The following NBPF9 variants were observed in gnomAD, a reference collection of about 807,000 sequenced individuals.
NBPF9 encodes NBPF member 9, also known as NBPF family member NBPF9.
In NBPF9, 91 loss-of-function variants were observed where a neutral mutation model predicts 97.8. The observed-to-expected ratio is 0.93, with a 90% CI of 0.79 to 1.11. The LOEUF (loss-of-function observed/expected upper bound fraction) is 1.11. NBPF9 is among the 50% of genes least tolerant of loss of function. The pLI is 0.00. For synonymous variants in NBPF9, 334 were observed against 359.5 expected (o/e 0.93, Z 0.80); for missense variants, 992 against 939.5 (o/e 1.06, Z -0.73).
downstream of NBPF9, among the ~76,000 whole-genome samples, chr1:149,053,806 G>C: frequency 6.8e-6 from 1 of 146,930 alleles, no homozygotes; most frequent in Admixed American, 6.8e-5. Context: ...CTAGTCCAAA[G>C]GGAGGAAAAC....
exon 14 of NBPF9, chr1:149,072,723 C>T (rs782154183): frequency 1.2e-6 from 2 of 1,611,728 alleles, no homozygotes; most frequent in Middle Eastern, 2.2e-4. Flanking sequence ...CTTACCTGGG[C>T]TGAGCTTTTG....
intron 5 of NBPF9, among the ~76,000 whole-genome samples, chr1:149,087,439 C>T (rs2081104683): frequency 1.3e-5 from 2 of 150,592 alleles, no homozygotes; most frequent in African/African-American, 4.9e-5. Context: ...ATTCTCTCTT[C>T]TCTTCCACTG....
In NBPF9 at chr1:149,059,334, G is replaced by C. The variant is rs1268020995; in HGVS notation, c.2586-237C>G. ...CAGAGAGAAAGTGACCTAGTGAATT[G>C]GCCGGGTGACACACTGATGAAGGAG... On this transcript the variant is annotated intron_variant, in intron 25 of 29. Transcript: ENST00000584027. 3.8e-5 allele frequency: 18 copies of C among 468,640 alleles called. 2 individuals are homozygous for C. The highest frequency in any genetic ancestry group is 3.7e-4 in the East Asian group (13 of 35,174). The allele number at this position is 468,640 out of a possible 1,614,324, so 29.0% of individuals were successfully genotyped here.
At chr1:149,080,846 G>A (rs2861519) in intron 7 of NBPF9, among the ~76,000 whole-genome samples, 42 of 149,894 alleles carry the variant, frequency 2.8e-4, no homozygotes, top group African/African-American at 9.4e-4. Context: ...GACAGGAAAT[G>A]CCTCATGTAA....
At chr1:149,061,555 C>A in intron 22 of NBPF9, 172 bp from the exon 23 acceptor site, 1 of 360,158 alleles carries the variant, frequency 2.8e-6, no homozygotes, top group Non-Finnish European at 5.0e-6. Context: ...CTTTGGTTTG[C>A]ATCTCAGAAC....
intron 27 of NBPF9, 60 bp downstream of exon 27, chr1:149,058,104 C>T: frequency 3.7e-6 from 2 of 536,354 alleles, no homozygotes; most frequent in Admixed American, 2.6e-5. Flanking sequence ...CTCTGTTTTC[C>T]CTGAACCAGG....
At chr1:149,074,282 C>T (rs2079662937) in intron 12 of NBPF9, among the ~76,000 whole-genome samples, 1 of 151,176 alleles carries the variant, frequency 6.6e-6, no homozygotes, top group Non-Finnish European at 1.5e-5. Context: ...GATGGTTTCC[C>T]TTTTACTGGG....
chr1:149,070,965 A>G (rs1553652797), exon 16 of NBPF9: 3 of 1,612,734 alleles, frequency 1.9e-6, no homozygotes, highest in Non-Finnish European at 2.5e-6. Flanking sequence ...CTTCCCGTTC[A>G]ACATGAGAGG....
At chr1:149,056,087 G>C (rs1312097605) in intron 29 of NBPF9, among the ~76,000 whole-genome samples, 188 bp from the exon 30 acceptor site, 7 of 150,826 alleles carry the variant, frequency 4.6e-5, no homozygotes, top group South Asian at 2.1e-4. Context: ...AACAATGAAA[G>C]AGAAAGACAG....
At chr1:149,073,334 T>C (rs2079568225) in intron 13 of NBPF9, among the ~76,000 whole-genome samples, 1 of 137,398 alleles carries the variant, frequency 7.3e-6, no homozygotes, top group Non-Finnish European at 1.6e-5. Flanking sequence ...ATGGGGCGAA[T>C]TGAAAAGACG....
chr1:149,068,343 A>G (rs1296446100), intron 17 of NBPF9, among the ~76,000 whole-genome samples: 2 of 151,276 alleles, frequency 1.3e-5, no homozygotes, highest in African/African-American at 2.4e-5. Context: ...AATTGGATAA[A>G]GAGTCAAGAC....
rs1208637475 is a variant in NBPF9 at position 149,073,975 on chromosome 1, C to A, written c.989-105G>T. 5.5e-5 allele frequency: 36 copies of A among 654,852 alleles called. No homozygotes were observed. In the African/African-American group the frequency reaches 5.9e-4, roughly 11 times the overall value. 40.6% of individuals were successfully genotyped at this position (654,852 alleles called of 1,614,324 possible). ...GTCCATCCCAAGGACAAAACTCTCC[C>A]CAGTACCAGGGTCTAGACAGGGATT... On this transcript the variant is annotated intron_variant, in intron 12 of 29. Transcript: ENST00000584027.
chr1:149,075,299 C>T (rs28502251), intron 12 of NBPF9, among the ~76,000 whole-genome samples: 1 of 152,170 alleles, frequency 6.6e-6, no homozygotes, highest in Non-Finnish European at 1.5e-5. Context: ...TAGTCTCAGA[C>T]ATTTAGAACA....
In NBPF9 at chr1:149,065,627, G is replaced by A. The variant is rs782242763; in HGVS notation, c.1700C>T (p.Thr567Ile). ...CAACATTTCAGGAGGAATTGAGGGA[G>A]TCGAATAACCTTCATCCCAGGACTC... The change falls in exon 18 of 30, where the codon ACT becomes ATT. Residue 567 changes from threonine to isoleucine, a missense_variant. Transcript: ENST00000584027. The A allele has an allele frequency of 2.9e-5, 47 of 1,602,352 alleles. 1 individual carries two copies. The highest frequency in any genetic ancestry group is 4.5e-4 in the Middle Eastern group (2 of 4,444).
chr1:149,089,282 T>C (rs1380340769), intron 5 of NBPF9, among the ~76,000 whole-genome samples: 1 of 151,808 alleles, frequency 6.6e-6, no homozygotes, highest in Non-Finnish European at 1.5e-5. Flanking sequence ...TCTTCCTTGA[T>C]GGGAGCTAAA....
rs781912478 is a variant in NBPF9 at position 149,062,112 on chromosome 1, G to T, written c.2232C>A (p.Gly744=). 3.0e-5 allele frequency: 35 copies of T among 1,185,496 alleles called. 2 individuals are homozygous for T. The African/African-American group carries it at 5.1e-4, about 17-fold the overall frequency. 73.4% of individuals were successfully genotyped at this position (1,185,496 alleles called of 1,614,324 possible). A position where few individuals can be genotyped will look rare whatever the true frequency, so the allele number is the denominator to read the frequency against. ...ACTCACTGTCCAAGTCAAGAGCCAA[G>T]CCAAGGTACTGTTCCTCCAATGAGT... Residue 744 remains glycine (G), a synonymous_variant, in exon 22 of 30, where the codon GGC becomes GGA. Coordinates refer to ENST00000584027, the Ensembl canonical transcript of NBPF9.
At chr1:149,096,969 A>T (rs868971033) in intron 4 of NBPF9, among the ~76,000 whole-genome samples, 7 of 149,256 alleles carry the variant, frequency 4.7e-5, no homozygotes, top group East Asian at 2.2e-4. Flanking sequence ...TGGTCTATTT[A>T]AAAAAGTAGA....
At chr1:149,063,835 G>A (rs1440032108) in intron 19 of NBPF9, 30 bp from the exon 20 acceptor site, 15 of 679,816 alleles carry the variant, frequency 2.2e-5, no homozygotes, top group African/African-American at 5.5e-5. Context: ...TAAAGAATAA[G>A]CCAGGGGGAA....
At chr1:149,067,173 G>A (rs1248926391) in intron 17 of NBPF9, among the ~76,000 whole-genome samples, 2 of 135,014 alleles carry the variant, frequency 1.5e-5, no homozygotes, top group East Asian at 2.1e-4. Flanking sequence ...ACCCACAAAG[G>A]GAAACTCATC....
Sources: gnomAD v4.1 joint callset for allele counts (sites outside exome capture counted in the v4.1 genomes callset) on GRCh38, gnomAD v4.1.1 for gene constraint, MANE v1.5 for transcripts, NCBI Gene and HGNC (gene_info 2026-07-23, HGNC 2026-07-21) for gene names.